The following SPATA13 variants were observed in gnomAD, a reference collection of about 807,000 sequenced individuals.
SPATA13 encodes spermatogenesis-associated protein 13.
In SPATA13, 50 loss-of-function variants were observed where a neutral mutation model predicts 104.0. The observed-to-expected ratio is 0.48, with a 90% confidence interval of 0.38 to 0.61. The LOEUF is 0.61. Ranked by LOEUF, SPATA13 falls within the 20% of genes least tolerant of loss-of-function variation. The probability of loss-of-function intolerance (pLI) is 0.00; values close to 1 mark genes in which losing one functional copy is unlikely to be tolerated. For missense variants in SPATA13, 1,524 were observed against 1,690.6 expected (o/e 0.90, Z 1.73); for synonymous variants, 606 against 667.5 (o/e 0.91, Z 1.42).
intron 2 of SPATA13, among the ~76,000 whole-genome samples, chr13:24,004,544 C>T (rs1876131232): frequency 6.6e-6 from 1 of 152,174 alleles, no homozygotes; most frequent in Non-Finnish European, 1.5e-5. Context: ...GAGGGTAGGG[C>T]TGCCCCCTTA....
At chr13:24,101,095 T>G (rs896980899) in intron 3 of SPATA13, among the ~76,000 whole-genome samples, 5 of 152,178 alleles carry the variant, frequency 3.3e-5, no homozygotes, top group Admixed American at 2.6e-4. Flanking sequence ...CACTTGAGTG[T>G]GCAGGGGAAG....
chr13:24,114,817 C>T lies in SPATA13; in HGVS notation c.-112+97116C>T, dbSNP rs111440874. 2.4e-3 allele frequency among the ~76,000 whole-genome samples: 359 copies of T among 152,248 alleles called. 5 individuals carry two copies. Among genetic ancestry groups the T allele is most frequent in the African/African-American group, 8.0e-3 (331 of 41,540 alleles). ...AGCTGAAAATACAAGCATGCACCAC[C>T]ACGCCTGGCTAATTTTGTATTTTTA... is the stretch of plus-strand genomic sequence containing the variant. On this transcript the variant is annotated intron_variant, in intron 3 of 14. Transcript: ENST00000424834.
At chr13:24,030,127 A>G (rs1030376365) in intron 3 of SPATA13, among the ~76,000 whole-genome samples, 3 of 151,738 alleles carry the variant, frequency 2.0e-5, no homozygotes, top group African/African-American at 7.3e-5. Context: ...CCTATCATCC[A>G]CATCCCCCAC....
chr13:24,139,864 T>C (rs567567157), intron 3 of SPATA13, among the ~76,000 whole-genome samples: 1 of 152,232 alleles, frequency 6.6e-6, no homozygotes. Flanking sequence ...TCAGGAGATC[T>C]AGACCATCCT....
At chr13:24,134,943 G>A (rs1010131160) in intron 3 of SPATA13, among the ~76,000 whole-genome samples, 2 of 152,124 alleles carry the variant, frequency 1.3e-5, no homozygotes, top group Non-Finnish European at 2.9e-5. Flanking sequence ...AACATGACTG[G>A]TGTCCTTAAA....
rs1214754767 is a variant in SPATA13, at chr13:24,306,865, C to T, written c.*4092C>T. On this transcript the variant is annotated 3_prime_UTR_variant, in exon 13 of 13. Transcript: ENST00000382108. Reference sequence around the variant, plus strand: ...CATTAACTTCAAGATGATGTGTCATCTGTATAGGTCAAAGAATGGGACTTC... The same window carrying T: ...CATTAACTTCAAGATGATGTGTCATTTGTATAGGTCAAAGAATGGGACTTC... 6.6e-6 allele frequency: 1 copy of T among 152,142 alleles called. No individual in the cohort carries two copies. The highest frequency in any genetic ancestry group is 2.1e-4 in the South Asian group (1 of 4,824). The allele number at this position is 152,142 out of a possible 1,614,324, so 9.4% of individuals were successfully genotyped here. A position where few individuals can be genotyped will look rare whatever the true frequency, so the allele number is the denominator to read the frequency against.
intron 1 of SPATA13, among the ~76,000 whole-genome samples, chr13:24,186,038 C>T (rs1296328932): frequency 6.6e-6 from 1 of 152,154 alleles, no homozygotes; most frequent in Admixed American, 6.5e-5. Context: ...CATCATCTGC[C>T]TCACTCAAAA....
At chr13:24,165,710 T>C (rs1882701727) in intron 1 of SPATA13, among the ~76,000 whole-genome samples, 1 of 152,156 alleles carries the variant, frequency 6.6e-6, no homozygotes, top group Admixed American at 6.5e-5. Context: ...GGCAATGAGA[T>C]GTGTTGTGGT....
At chr13:24,295,607 G>A (rs1008285641) in intron 10 of SPATA13, among the ~76,000 whole-genome samples, 6 of 150,546 alleles carry the variant, frequency 4.0e-5, no homozygotes, top group Admixed American at 2.0e-4. Flanking sequence ...GCAAGACTCC[G>A]TCTCAAAAAA....
rs145463066 is a variant in SPATA13 at position 23,987,347 on chromosome 13, G to GT, written c.-147+3415dup. Among the ~76,000 whole-genome samples the GT allele has an allele frequency of 6.1e-3, 928 of 152,272 alleles. 8 individuals carry two copies. The highest frequency in any genetic ancestry group is 0.021 in the African/African-American group (889 of 41,554). On this transcript the variant is annotated intron_variant, in intron 2 of 14. Coordinates refer to the SPATA13 transcript ENST00000424834. ...TGCTTGTAAAATACTTACATTTTCA[G>GT]TGGATAAAAGATAGCTTGAATAATG...
At chr13:24,174,088 A>G (rs1883111465) in intron 1 of SPATA13, among the ~76,000 whole-genome samples, 1 of 152,226 alleles carries the variant, frequency 6.6e-6, no homozygotes. Context: ...CCACCTGGGC[A>G]TAAAGATTTC....
Position 24,302,680 on chromosome 13 carries a change from C to T in SPATA13, c.3741C>T (p.Val1247=), listed in dbSNP as rs146852890. The change falls in exon 13 of 13, where the codon GTC becomes GTT. Residue 1247 remains valine (V), a synonymous_variant. Transcript: ENST00000382108. ...GCCACATCACTATGCCCACAAGCGT[C>T]CCCCAGCAGCAGGTCTTTGGCCTGG... ...HQRHITMPTS[V]PQQQVFGLAE... is the part of the protein sequence containing the mutation. 5,820 of 1,614,122 alleles carry T rather than the reference C, an allele frequency of 3.6e-3. 16 individuals are homozygous for T. Among genetic ancestry groups the T allele is most frequent in the Non-Finnish European group, 4.2e-3 (4,981 of 1,180,028 alleles).
intron 4 of SPATA13, among the ~76,000 whole-genome samples, chr13:24,261,917 A>C (rs1025868767): frequency 1.4e-4 from 21 of 152,220 alleles, no homozygotes; most frequent in Non-Finnish European, 2.9e-5. Context: ...TTATAGTTCA[A>C]AATACCCCAT....
intron 1 of SPATA13, among the ~76,000 whole-genome samples, chr13:23,980,515 G>T (rs959569582): frequency 6.6e-6 from 1 of 152,224 alleles, no homozygotes; most frequent in African/African-American, 2.4e-5. Context: ...ATACCTTAAT[G>T]CTCTGCTTTT....
chr13:24,035,841 C>A (rs756111683), intron 3 of SPATA13, among the ~76,000 whole-genome samples: 1 of 151,932 alleles, frequency 6.6e-6, no homozygotes, highest in South Asian at 2.1e-4. Flanking sequence ...TGGCAAAAAA[C>A]CATCTCTACT....
intron 4 of SPATA13, among the ~76,000 whole-genome samples, chr13:24,261,236 G>A (rs928964297): frequency 5.9e-5 from 9 of 152,232 alleles, no homozygotes; most frequent in African/African-American, 1.9e-4. Context: ...ATGAAGAACC[G>A]AGAGGTCGAG....
intron 3 of SPATA13, among the ~76,000 whole-genome samples, chr13:24,130,119 A>G (rs1881345931): frequency 6.6e-6 from 1 of 152,196 alleles, no homozygotes; most frequent in Non-Finnish European, 1.5e-5. Flanking sequence ...CCTCTTTTGC[A>G]GGGTCTGTCC....
chr13:24,287,052 C>T (rs991349883), intron 7 of SPATA13, 102 bp downstream of exon 7: 1 of 960,672 alleles, frequency 1.0e-6, no homozygotes, highest in Non-Finnish European at 1.5e-6. Flanking sequence ...CCATCAGGCT[C>T]CCACATGTAT....
chr13:24,299,535 C>T (rs1183009131), intron 11 of SPATA13, among the ~76,000 whole-genome samples: 1 of 152,222 alleles, frequency 6.6e-6, no homozygotes, highest in East Asian at 1.9e-4. Context: ...CGTACAGAGC[C>T]TGAGCCTGAC....
Sources: allele counts gnomAD v4.1 joint callset (sites outside exome capture counted in the v4.1 genomes callset), GRCh38; gene constraint gnomAD v4.1.1; transcripts MANE v1.5; gene names NCBI Gene and HGNC (gene_info 2026-07-23, HGNC 2026-07-21).